Variants in ELMO1 observed in about 807,000 individuals in gnomAD.
ELMO1 encodes engulfment and cell motility 1.
A neutral mutation model predicts 98.9 loss-of-function variants in ELMO1; 26 were observed. That is an observed-to-expected ratio of 0.26 (90% CI 0.19 to 0.36). The LOEUF (loss-of-function observed/expected upper bound fraction) is 0.36, where lower values mean the gene tolerates loss of function less well. Ranked by LOEUF, ELMO1 falls within the 10% of genes least tolerant of loss-of-function variation. The pLI is 1.00. For synonymous variants in ELMO1, 346 were observed against 346.0 expected (o/e 1.00, Z 0.00); for missense variants, 627 against 935.2 (o/e 0.67, Z 4.30).
intron 16 of ELMO1, among the ~76,000 whole-genome samples, chr7:36,941,926 T>C (rs922169327): frequency 6.6e-6 from 1 of 152,226 alleles, no homozygotes; most frequent in Non-Finnish European, 1.5e-5. Context: ...TGGCAGGACT[T>C]GAATTCTGCT....
intron 13 of ELMO1, among the ~76,000 whole-genome samples, chr7:37,134,033 T>A (rs1787101879): frequency 1.3e-5 from 2 of 152,200 alleles, no homozygotes; most frequent in Admixed American, 1.3e-4. Flanking sequence ...ACGTCAGTAA[T>A]CATCAGAGAA....
chr7:37,273,460 T>G (rs1394025664), intron 4 of ELMO1, among the ~76,000 whole-genome samples: 1 of 152,218 alleles, frequency 6.6e-6, no homozygotes, highest in Non-Finnish European at 1.5e-5. Context: ...CTGCCATGAT[T>G]GTTAAGTTTT....
chr7:37,398,843 C>T (rs1803406484), intron 1 of ELMO1, among the ~76,000 whole-genome samples: 1 of 152,194 alleles, frequency 6.6e-6, no homozygotes, highest in South Asian at 2.1e-4. Context: ...CCTCCTTCGC[C>T]CCCAAGAAGC....
chr7:36,932,541 G>C (rs1415590196), intron 16 of ELMO1, among the ~76,000 whole-genome samples: 1 of 152,220 alleles, frequency 6.6e-6, no homozygotes, highest in East Asian at 1.9e-4. Flanking sequence ...AAGGGCAACA[G>C]TGAGAATACA....
intron 17 of ELMO1, among the ~76,000 whole-genome samples, chr7:36,891,937 T>C (rs1220828578): frequency 6.6e-6 from 1 of 152,216 alleles, no homozygotes; most frequent in East Asian, 1.9e-4. Context: ...AAGCTTTTTA[T>C]ATCCATTAAC....
At chr7:36,856,053 G>C (rs1157369448) in intron 21 of ELMO1, among the ~76,000 whole-genome samples, 1 of 152,204 alleles carries the variant, frequency 6.6e-6, no homozygotes, top group African/African-American at 2.4e-5. Flanking sequence ...ATGCTTCTCT[G>C]TAACAGCTGA....
rs73106656 is a variant in ELMO1 at position 36,918,583 on chromosome 7, G to A, written c.1438-23566C>T. Among the ~76,000 whole-genome samples the A allele has an allele frequency of 1.3e-3, 194 of 152,286 alleles. 1 individual carries two copies. The highest frequency in any genetic ancestry group is 4.4e-3 in the South Asian group (21 of 4,824). On this transcript the variant is annotated intron_variant, in intron 16 of 21. Coordinates refer to ENST00000310758, the MANE Select transcript of ELMO1 (RefSeq NM_014800.11). ...ATGTGTATCATCATCTCTAAGGGCA[G>A]GAGGAATAGGGGCCAGGGCCAGGGT...
intron 16 of ELMO1, among the ~76,000 whole-genome samples, chr7:36,974,142 G>C (rs1790272156): frequency 6.6e-6 from 1 of 152,254 alleles, no homozygotes; most frequent in African/African-American, 2.4e-5. Flanking sequence ...GCGCAGGACT[G>C]GCAGGCAGCT....
chr7:36,913,712 T>C (rs1051066881), intron 16 of ELMO1, among the ~76,000 whole-genome samples: 7 of 152,094 alleles, frequency 4.6e-5, no homozygotes, highest in African/African-American at 1.7e-4. Context: ...GAGGAAAAGG[T>C]TTTGAGTGAT....
intron 14 of ELMO1, among the ~76,000 whole-genome samples, chr7:37,129,741 A>G (rs913662984): frequency 2.0e-5 from 3 of 152,104 alleles, no homozygotes; most frequent in Non-Finnish European, 2.9e-5. Flanking sequence ...TTGATTTCTC[A>G]CATTGGTTTT....
intron 16 of ELMO1, chr7:37,002,277 C>T (rs921007248): frequency 1.3e-5 from 2 of 152,230 alleles, no homozygotes; most frequent in African/African-American, 4.8e-5. Flanking sequence ...CCATGCACAT[C>T]TCAACTGGCC....
chr7:37,412,792 C>T (rs1314403529), intron 1 of ELMO1, among the ~76,000 whole-genome samples: 1 of 152,188 alleles, frequency 6.6e-6, no homozygotes, highest in Non-Finnish European at 1.5e-5. Flanking sequence ...GAAACTTTCA[C>T]TCTGGGGGAG....
intron 1 of ELMO1, among the ~76,000 whole-genome samples, chr7:37,411,584 A>G (rs530410512): frequency 2.0e-4 from 31 of 152,234 alleles, no homozygotes; most frequent in Middle Eastern, 3.4e-3. Context: ...CATACAGTCT[A>G]CAGAAATGGC....
At chr7:37,036,341 A>G (rs1044063217) in intron 15 of ELMO1, among the ~76,000 whole-genome samples, 1 of 152,186 alleles carries the variant, frequency 6.6e-6, no homozygotes, top group Admixed American at 6.5e-5. Context: ...GATGCTTAAT[A>G]TCATACAAAT....
At chr7:37,187,530 A>G (rs944333702) in intron 13 of ELMO1, among the ~76,000 whole-genome samples, 1 of 152,202 alleles carries the variant, frequency 6.6e-6, no homozygotes, top group African/African-American at 2.4e-5. Flanking sequence ...ATTAAATAAA[A>G]CTTCCCAATT....
At chr7:36,918,992 A>AG (rs1784927478) in intron 16 of ELMO1, among the ~76,000 whole-genome samples, 2 of 152,128 alleles carry the variant, frequency 1.3e-5, no homozygotes, top group Non-Finnish European at 2.9e-5. Flanking sequence ...TCATTCATTC[A>AG]TTCAGTCAGT....
intron 16 of ELMO1, among the ~76,000 whole-genome samples, chr7:36,902,028 G>A (rs932609982): frequency 7.9e-5 from 12 of 152,252 alleles, no homozygotes; most frequent in Non-Finnish European, 1.6e-4. Flanking sequence ...GCTCTTTTCT[G>A]CCTCACCTCT....
rs150427583 is a variant in ELMO1 at position 37,060,821 on chromosome 7, A to G, written c.1300+35798T>C. The stretch of plus-strand genomic sequence containing the variant: ...AATTAATTTGTCAAAAATTTGGGGT[A>G]ATGTCCCAAGTCACTGGATTCTGGC... On this transcript the variant is annotated intron_variant, in intron 15 of 21. Transcript: ENST00000310758. 1.9e-3 allele frequency among the ~76,000 whole-genome samples: 296 copies of G among 152,172 alleles called. 1 individual carries two copies. The highest frequency in any genetic ancestry group is 0.01 in the Middle Eastern group (3 of 294).
intron 16 of ELMO1, among the ~76,000 whole-genome samples, chr7:36,948,708 T>C (rs956474015): frequency 6.6e-6 from 1 of 152,194 alleles, no homozygotes; most frequent in African/African-American, 2.4e-5. Flanking sequence ...AGGGCTAGGA[T>C]ACAAACCCAG....
Sources: gnomAD v4.1 joint callset for allele counts (sites outside exome capture counted in the v4.1 genomes callset) on GRCh38, gnomAD v4.1.1 for gene constraint, MANE v1.5 for transcripts, NCBI Gene and HGNC (gene_info 2026-07-23, HGNC 2026-07-21) for gene names.